The following NXPH1 variants were observed in gnomAD, a reference collection of about 807,000 sequenced individuals.
NXPH1 encodes neurexophilin-1.
In NXPH1, 5 loss-of-function variants were observed where a neutral mutation model predicts 23.7. The ratio of observed to expected loss-of-function variants is 0.21; its 90% CI spans 0.11 to 0.44. NXPH1 has a LOEUF of 0.44. Ranked by LOEUF, NXPH1 falls within the 20% of genes least tolerant of loss-of-function variation. The probability of loss-of-function intolerance (pLI) is 0.99; values close to 1 mark genes in which losing one functional copy is unlikely to be tolerated. For missense variants in NXPH1, 324 were observed against 321.6 expected (o/e 1.01, Z -0.06); for synonymous variants, 144 against 122.2 (o/e 1.18, Z -1.18).
At position 8,434,015 on chromosome 7, in the gene NXPH1, G is replaced by C. The variant is rs532666882; in HGVS notation, c.-851G>C. ...AGCCGCGGCTCTGCGGAGAAACCACGACCACCGCGGCCGCCGGAAACCCAA... is the reference window on the plus strand; with the variant it reads ...AGCCGCGGCTCTGCGGAGAAACCACCACCACCGCGGCCGCCGGAAACCCAA... On this transcript the variant is annotated 5_prime_UTR_variant, in exon 1 of 3. Transcript: ENST00000405863. The surrounding 1 kb of genome is among the most constrained non-coding windows in gnomAD (Gnocchi z 7.6). The C allele has an allele frequency of 6.6e-6, 1 of 152,174 alleles. No individual in the cohort carries two copies. The highest frequency in any genetic ancestry group is 2.4e-5 in the African/African-American group (1 of 41,432). 9.4% of individuals were successfully genotyped at this position (152,174 alleles called of 1,614,324 possible).
intron 2 of NXPH1, among the ~76,000 whole-genome samples, chr7:8,449,766 C>G (rs1202683947): frequency 1.3e-5 from 2 of 150,828 alleles, no homozygotes; most frequent in Non-Finnish European, 2.9e-5. Flanking sequence ...ATTAAGAGTT[C>G]TTTTTTTCTC....
intron 2 of NXPH1, among the ~76,000 whole-genome samples, chr7:8,732,736 A>AT (rs1311928211): frequency 4.6e-5 from 7 of 151,880 alleles, no homozygotes; most frequent in East Asian, 3.9e-4. Flanking sequence ...AATATAAGCT[A>AT]TTTTTTTCTG....
chr7:8,449,203 G>A (rs904509947), intron 2 of NXPH1, among the ~76,000 whole-genome samples: 2 of 152,164 alleles, frequency 1.3e-5, no homozygotes, highest in East Asian at 1.9e-4. Flanking sequence ...AGGACTTGTC[G>A]AAACAGTTTG....
chr7:8,641,157 A>G (rs1449238387), intron 2 of NXPH1, among the ~76,000 whole-genome samples: 1 of 152,108 alleles, frequency 6.6e-6, no homozygotes, highest in East Asian at 1.9e-4. Flanking sequence ...TTTCAATAAC[A>G]TTTATTCCTA....
chr7:8,647,104 G>A (rs76974857), intron 2 of NXPH1, among the ~76,000 whole-genome samples: 9,503 of 152,218 alleles, frequency 0.062, 462 homozygotes, highest in East Asian at 0.17. Flanking sequence ...ACAAAGACAC[G>A]TGTGTTCTGT....
At chr7:8,747,841 T>C (rs940644666) in intron 2 of NXPH1, among the ~76,000 whole-genome samples, 2 of 152,250 alleles carry the variant, frequency 1.3e-5, no homozygotes, top group African/African-American at 2.4e-5. Flanking sequence ...TTTTAAATTT[T>C]ACATTATAGC....
chr7:8,521,041 A>G (rs942892171), intron 2 of NXPH1, among the ~76,000 whole-genome samples: 5 of 152,144 alleles, frequency 3.3e-5, no homozygotes, highest in African/African-American at 7.2e-5. Context: ...ACATAACTTG[A>G]TCAGATGATG....
chr7:8,660,667 T>G (rs568220185), intron 2 of NXPH1, among the ~76,000 whole-genome samples: 1 of 152,290 alleles, frequency 6.6e-6, no homozygotes, highest in African/African-American at 2.4e-5. Flanking sequence ...TAATAACAAC[T>G]GCAGGCTTCT....
intron 2 of NXPH1, among the ~76,000 whole-genome samples, chr7:8,734,356 G>A (rs1780208893): frequency 6.6e-6 from 1 of 152,086 alleles, no homozygotes; most frequent in African/African-American, 2.4e-5. Flanking sequence ...TGGCTATACG[G>A]GCTCTTTTTT....
At chr7:8,703,231 T>A (rs1320937408) in intron 2 of NXPH1, among the ~76,000 whole-genome samples, 3 of 152,068 alleles carry the variant, frequency 2.0e-5, no homozygotes, top group Admixed American at 6.6e-5. Flanking sequence ...TCCTGTGAAC[T>A]TCTAGATTCT....
At chr7:8,603,907 G>A (rs776108652) in intron 2 of NXPH1, among the ~76,000 whole-genome samples, 17 of 152,040 alleles carry the variant, frequency 1.1e-4, no homozygotes, top group Admixed American at 3.9e-4. Context: ...ACATAGGAAA[G>A]TAAATCTTTA....
intron 2 of NXPH1, among the ~76,000 whole-genome samples, chr7:8,453,732 T>C (rs1378221783): frequency 6.6e-6 from 1 of 152,136 alleles, no homozygotes; most frequent in Non-Finnish European, 1.5e-5. Context: ...TCTACCCATG[T>C]CCCTGCAAAG....
At chr7:8,448,941 G>A (rs1816456237) in intron 2 of NXPH1, among the ~76,000 whole-genome samples, 1 of 152,074 alleles carries the variant, frequency 6.6e-6, no homozygotes, top group South Asian at 2.1e-4. Context: ...GAGAATCCTT[G>A]TGATGTTTTA....
chr7:8,742,693 G>C (rs1176735601), intron 2 of NXPH1, among the ~76,000 whole-genome samples: 1 of 152,020 alleles, frequency 6.6e-6, no homozygotes, highest in Non-Finnish European at 1.5e-5. Context: ...TCTTTGGTGG[G>C]GGTGGGATTG....
At chr7:8,683,062 T>G (rs1005985013) in intron 2 of NXPH1, among the ~76,000 whole-genome samples, 2 of 152,208 alleles carry the variant, frequency 1.3e-5, no homozygotes, top group African/African-American at 4.8e-5. Flanking sequence ...CTTGGAGTTC[T>G]GCAAACTGTG....
At chr7:8,728,999 T>G (rs1389266001) in intron 2 of NXPH1, among the ~76,000 whole-genome samples, 1 of 151,194 alleles carries the variant, frequency 6.6e-6, no homozygotes, top group South Asian at 2.1e-4. Flanking sequence ...AGCTATTGAT[T>G]ATTGCCACAA....
intron 2 of NXPH1, among the ~76,000 whole-genome samples, chr7:8,716,293 C>G (rs1049867636): frequency 5.9e-4 from 90 of 152,252 alleles, no homozygotes; most frequent in African/African-American, 1.9e-3. Context: ...GTGGCCCTGA[C>G]TATAGCTTTA....
At chr7:8,696,514 A>G (rs1453720880) in intron 2 of NXPH1, among the ~76,000 whole-genome samples, 1 of 152,194 alleles carries the variant, frequency 6.6e-6, no homozygotes, top group Non-Finnish European at 1.5e-5. Flanking sequence ...CCATAGGTTG[A>G]GAAAGATCTC....
chr7:8,626,487 T>C (rs970082793), intron 2 of NXPH1, among the ~76,000 whole-genome samples: 1 of 151,960 alleles, frequency 6.6e-6, no homozygotes, highest in African/African-American at 2.4e-5. Flanking sequence ...ACTTTCTCAC[T>C]GCCATGAGGG....
Sources: gnomAD v4.1 joint callset for allele counts (sites outside exome capture counted in the v4.1 genomes callset) on GRCh38, gnomAD v4.1.1 for gene constraint, Gnocchi (gnomAD v3.1) non-coding constraint, MANE v1.5 for transcripts, NCBI Gene and HGNC (gene_info 2026-07-23, HGNC 2026-07-21) for gene names.